The following NTN1 variants were observed in gnomAD, a reference collection of about 807,000 sequenced individuals.
The protein encoded by NTN1 is netrin-1.
Under a neutral mutation model 54.2 loss-of-function variants are expected in NTN1, and 11 were observed. The observed-to-expected ratio is 0.20, with a 90% CI of 0.13 to 0.34. NTN1 has a LOEUF of 0.34. Among genes scored for constraint, NTN1 ranks in the 10% least tolerant of loss-of-function variants. The pLI is 1.00. For missense variants in NTN1, 740 were observed against 893.1 expected (o/e 0.83, Z 2.18); for synonymous variants, 371 against 382.0 (o/e 0.97, Z 0.33).
the NTN1 span, among the ~76,000 whole-genome samples, chr17:9,010,389 A>G: frequency 0.015 from 2,245 of 152,280 alleles, 58 homozygotes; most frequent in African/African-American, 0.051. Flanking sequence ...TAATACAAAC[A>G]GCAAGCACTT....
At chr17:9,049,998 G>C (rs554794491) in intron 2 of NTN1, among the ~76,000 whole-genome samples, 6 of 152,202 alleles carry the variant, frequency 3.9e-5, no homozygotes, top group Admixed American at 2.6e-4. Flanking sequence ...TGTAATCCCA[G>C]CACTTTGGGA....
At chr17:9,136,585 A>G (rs775986027) in intron 2 of NTN1, among the ~76,000 whole-genome samples, 2 of 152,186 alleles carry the variant, frequency 1.3e-5, no homozygotes, top group African/African-American at 2.4e-5. Context: ...TCAAAAAGAA[A>G]CAAACAAAAA....
chr17:9,121,446 C>T (rs2092231493), intron 2 of NTN1, among the ~76,000 whole-genome samples: 1 of 152,092 alleles, frequency 6.6e-6, no homozygotes, highest in South Asian at 2.1e-4. Flanking sequence ...TGCGTGCTTC[C>T]CCGGTGATTT....
At chr17:9,112,669 C>T (rs1012365384) in intron 2 of NTN1, among the ~76,000 whole-genome samples, 1 of 151,308 alleles carries the variant, frequency 6.6e-6, no homozygotes, top group Non-Finnish European at 1.5e-5. Flanking sequence ...ACTAAAAATA[C>T]AAAAAATTAG....
intron 5 of NTN1, among the ~76,000 whole-genome samples, chr17:9,204,290 TTCTCTC>T (rs72069347): frequency 7.0e-6 from 1 of 143,454 alleles, no homozygotes; most frequent in Admixed American, 6.9e-5. Context: ...CTCTATCTCT[TTCTCTC>T]TCTCTCTCTC....
At chr17:9,143,482 C>CT (rs202084799) in intron 2 of NTN1, among the ~76,000 whole-genome samples, 3 of 151,840 alleles carry the variant, frequency 2.0e-5, no homozygotes, top group African/African-American at 7.2e-5. Context: ...TTGCTGTGCC[C>CT]TTTTGGTTTT....
Position 9,152,221 on chromosome 17 carries a change from C to T in NTN1, c.1019-10592C>T, listed in dbSNP as rs117246111. On this transcript the variant is annotated intron_variant, in intron 2 of 6. Transcript: ENST00000173229. ...TCCACGGCTTCATTCTTGAAGTGAG[C>T]GAGACCGGGAACCCACTGGCAGGAA... Among the ~76,000 whole-genome samples the T allele has an allele frequency of 2.2e-4, 33 of 152,258 alleles. No individual in the cohort carries two copies. The East Asian group carries it at 5.8e-3, about 27-fold the overall frequency.
intron 5 of NTN1, among the ~76,000 whole-genome samples, chr17:9,205,254 A>G (rs1904936717): frequency 1.3e-5 from 2 of 152,168 alleles, no homozygotes. Flanking sequence ...GGGGAAGGGT[A>G]TGGTGGCAAG....
chr17:9,133,692 A>G lies in NTN1; in HGVS notation c.1019-29121A>G, dbSNP rs574485413. On this transcript the variant is annotated intron_variant, in intron 2 of 6. Transcript: ENST00000173229. ...AACCTCCACCTCCCGGGTTCAAGCG[A>G]TTCTCCTGCCTCAGCCTCTTGAGTA... Among the ~76,000 whole-genome samples, 160 of 145,542 alleles carry G rather than the reference A, an allele frequency of 1.1e-3. 2 individuals carry two copies. Among genetic ancestry groups the G allele is most frequent in the Non-Finnish European group, 1.5e-4 (10 of 67,184 alleles).
At chr17:9,010,086 G>C in the NTN1 span, among the ~76,000 whole-genome samples, 1 of 152,194 alleles carries the variant, frequency 6.6e-6, no homozygotes, top group African/African-American at 2.4e-5. Flanking sequence ...GGCTGGGATA[G>C]GATTCTACTG....
intron 2 of NTN1, among the ~76,000 whole-genome samples, chr17:9,143,321 A>G (rs2092303748): frequency 6.6e-6 from 1 of 152,178 alleles, no homozygotes; most frequent in Non-Finnish European, 1.5e-5. Flanking sequence ...TGAGCCTGGG[A>G]AGAGGGGGAC....
At chr17:9,083,788 C>T (rs1281566460) in intron 2 of NTN1, among the ~76,000 whole-genome samples, 1 of 152,228 alleles carries the variant, frequency 6.6e-6, no homozygotes, top group East Asian at 1.9e-4. Flanking sequence ...CCGGTTCTAC[C>T]TCCGGACCTT....
chr17:9,126,223 A>T (rs1355101578), intron 2 of NTN1, among the ~76,000 whole-genome samples: 1 of 152,262 alleles, frequency 6.6e-6, no homozygotes, highest in Non-Finnish European at 1.5e-5. Context: ...AAAAAGAGAG[A>T]TAGGGCTGGG....
At chr17:9,192,329 G>T (rs1009302198) in intron 5 of NTN1, among the ~76,000 whole-genome samples, 2 of 152,162 alleles carry the variant, frequency 1.3e-5, no homozygotes, top group African/African-American at 4.8e-5. Context: ...AATGATGTGG[G>T]GAGAATATCT....
intron 2 of NTN1, among the ~76,000 whole-genome samples, chr17:9,145,015 G>A (rs975186688): frequency 9.2e-5 from 14 of 152,214 alleles, no homozygotes; most frequent in African/African-American, 2.9e-4. Flanking sequence ...GTGGAGCGGC[G>A]GGGGCCAGTG....
intron 2 of NTN1, among the ~76,000 whole-genome samples, chr17:9,129,765 C>T (rs1042945076): frequency 1.3e-5 from 2 of 152,210 alleles, no homozygotes; most frequent in African/African-American, 4.8e-5. Context: ...GCCGTCTCCC[C>T]TTCTGCAGGT....
intron 5 of NTN1, among the ~76,000 whole-genome samples, chr17:9,209,911 T>C (rs1905056451): frequency 6.6e-6 from 1 of 151,860 alleles, no homozygotes; most frequent in African/African-American, 2.4e-5. Flanking sequence ...ACCTTGGGCA[T>C]GAGGTGGGGC....
At chr17:9,159,354 T>C (rs757353294) in intron 2 of NTN1, among the ~76,000 whole-genome samples, 27 of 152,010 alleles carry the variant, frequency 1.8e-4, no homozygotes, top group South Asian at 1.0e-3. Flanking sequence ...TCAGACAGAG[T>C]GGCCAATATT....
rs564991988 is a variant in NTN1, at chr17:9,210,231, C to T, written c.1412-10937C>T. On this transcript the variant is annotated intron_variant, in intron 5 of 6. Coordinates refer to ENST00000173229, the MANE Select transcript of NTN1 (RefSeq NM_004822.3). ...CACAGGCTGCTCCTCCTGCTTGGAA[C>T]CCTCTTCCCTCAGACCTTCCTGCCC... Among the ~76,000 whole-genome samples the T allele has an allele frequency of 4.7e-4, 72 of 152,152 alleles. 2 individuals are homozygous for T. The highest frequency in any genetic ancestry group is 3.4e-3 in the Middle Eastern group (1 of 292).
Sources: allele counts gnomAD v4.1 joint callset (sites outside exome capture counted in the v4.1 genomes callset), GRCh38; gene constraint gnomAD v4.1.1; transcripts MANE v1.5; gene names NCBI Gene and HGNC (gene_info 2026-07-23, HGNC 2026-07-21).